Variants in GRIK1 observed in about 807,000 individuals in gnomAD.
The protein encoded by GRIK1 is glutamate receptor ionotropic, kainate 1.
A neutral mutation model predicts 105.7 loss-of-function variants in GRIK1; 69 were observed. That is an observed-to-expected ratio of 0.65 (90% CI 0.54 to 0.80). The LOEUF is 0.80. Among genes scored for constraint, GRIK1 ranks in the 30% least tolerant of loss-of-function variants. The probability of loss-of-function intolerance (pLI) is 0.00; values close to 1 mark genes in which losing one functional copy is unlikely to be tolerated. For synonymous variants in GRIK1, 438 were observed against 431.3 expected, an observed-to-expected ratio of 1.02 and a Z score of -0.19; for missense variants, 1,109 against 1,167.3, an observed-to-expected ratio of 0.95 and a Z score of 0.73.
chr21:29,563,475 T>C (rs564316379), intron 14 of GRIK1, among the ~76,000 whole-genome samples: 68 of 152,268 alleles, frequency 4.5e-4, no homozygotes, highest in African/African-American at 1.6e-3. Flanking sequence ...CATTGTGTCA[T>C]ATTGGGCCCC....
chr21:29,927,870 C>CA (rs927108065), intron 1 of GRIK1, among the ~76,000 whole-genome samples: 4 of 150,698 alleles, frequency 2.7e-5, no homozygotes, highest in Admixed American at 6.6e-5. Context: ...GACTCCGTCT[C>CA]AAAAAAAACA....
intron 16 of GRIK1, among the ~76,000 whole-genome samples, chr21:29,542,413 C>T (rs148244236): frequency 1.3e-3 from 191 of 152,134 alleles, no homozygotes; most frequent in Middle Eastern, 6.8e-3. Flanking sequence ...TTTATCCTTC[C>T]GTTGCAAATG....
chr21:29,803,919 A>T (rs577784553), intron 1 of GRIK1, among the ~76,000 whole-genome samples: 2 of 152,120 alleles, frequency 1.3e-5, no homozygotes, highest in East Asian at 3.9e-4. Context: ...TAAGGAAGAG[A>T]TCCTTTTCTC....
intron 1 of GRIK1, among the ~76,000 whole-genome samples, chr21:29,819,495 G>A (rs1044997897): frequency 4.6e-5 from 7 of 152,088 alleles, no homozygotes; most frequent in Admixed American, 1.3e-4. Flanking sequence ...GTGTGTGTGT[G>A]AGAGAGAAAG....
At chr21:29,867,836 G>T (rs2068852994) in intron 1 of GRIK1, among the ~76,000 whole-genome samples, 1 of 144,464 alleles carries the variant, frequency 6.9e-6, no homozygotes, top group Non-Finnish European at 1.5e-5. Context: ...AAGAAAGAAA[G>T]AAAGAAGGAA....
intron 1 of GRIK1, among the ~76,000 whole-genome samples, chr21:29,720,272 A>T (rs540450644): frequency 1.2e-3 from 185 of 152,136 alleles, no homozygotes; most frequent in Non-Finnish European, 2.2e-3. Context: ...AATATGACTT[A>T]CTTTATTCTA....
chr21:29,685,523 G>C (rs2063471818), intron 3 of GRIK1, among the ~76,000 whole-genome samples: 1 of 151,902 alleles, frequency 6.6e-6, no homozygotes, highest in Admixed American at 6.6e-5. Flanking sequence ...TGACTGCGTA[G>C]GTAATCGCCT....
chr21:29,597,633 G>C (rs781413377), intron 8 of GRIK1: 2 of 467,006 alleles, frequency 4.3e-6, no homozygotes, highest in South Asian at 3.1e-5. Context: ...GGGCATGTCA[G>C]ACCAACAGAG....
At chr21:29,638,074 TTATAA>T (rs2062433232) in intron 7 of GRIK1, among the ~76,000 whole-genome samples, 1 of 152,174 alleles carries the variant, frequency 6.6e-6, no homozygotes, top group Non-Finnish European at 1.5e-5. Context: ...CATGCAGTGC[TTATAA>T]TATGTTTGGC....
intron 16 of GRIK1, among the ~76,000 whole-genome samples, chr21:29,541,604 A>C (rs1601064846): frequency 1.2e-5 from 1 of 83,034 alleles, no homozygotes. Flanking sequence ...TTTGTGGGAG[A>C]GATACAATGA....
chr21:29,706,093 C>T (rs919670053), intron 1 of GRIK1, among the ~76,000 whole-genome samples: 1 of 152,098 alleles, frequency 6.6e-6, no homozygotes, highest in African/African-American at 2.4e-5. Flanking sequence ...AGGCTGGTCT[C>T]AAACTCCTGA....
At chr21:29,645,101 T>C (rs1349494982) in intron 6 of GRIK1, among the ~76,000 whole-genome samples, 1 of 152,204 alleles carries the variant, frequency 6.6e-6, no homozygotes, top group African/African-American at 2.4e-5. Flanking sequence ...TATTCACTGA[T>C]AATTTACTAT....
At chr21:29,551,286 T>C (rs193223071) in intron 16 of GRIK1, among the ~76,000 whole-genome samples, 1 of 152,342 alleles carries the variant, frequency 6.6e-6, no homozygotes, top group Non-Finnish European at 1.5e-5. Context: ...CATTTGCCAA[T>C]TGAACACATT....
chr21:29,651,341 T>A (rs363581), intron 5 of GRIK1, 50 bp from the exon 6 acceptor site: 5 of 1,230,236 alleles, frequency 4.1e-6, no homozygotes, highest in Non-Finnish European at 2.3e-6. Flanking sequence ...GAATTTTCAT[T>A]TTTTATACAA....
intron 1 of GRIK1, among the ~76,000 whole-genome samples, chr21:29,893,113 A>G (rs961340813): frequency 7.2e-5 from 11 of 152,224 alleles, no homozygotes; most frequent in Non-Finnish European, 1.6e-4. Context: ...AAATTTAAAG[A>G]TTATCTTGTC....
At chr21:29,540,997 C>T (rs1207274858) in intron 16 of GRIK1, among the ~76,000 whole-genome samples, 66 of 145,372 alleles carry the variant, frequency 4.5e-4, no homozygotes, top group Non-Finnish European at 8.3e-4. Flanking sequence ...TTGACAGAGT[C>T]TCACTCTGTC....
chr21:29,888,343 C>T (rs1601949786), intron 1 of GRIK1, among the ~76,000 whole-genome samples: 1 of 149,644 alleles, frequency 6.7e-6, no homozygotes, highest in African/African-American at 2.5e-5. Context: ...CAGCTCACTG[C>T]AGCCTTGACC....
intron 1 of GRIK1, among the ~76,000 whole-genome samples, chr21:29,778,286 C>G (rs117572117): frequency 0.031 from 4,789 of 152,276 alleles, 122 homozygotes; most frequent in Middle Eastern, 0.072. Flanking sequence ...ATACTGCCAC[C>G]ATGCTAGAAC....
intron 1 of GRIK1, among the ~76,000 whole-genome samples, chr21:29,831,952 C>T (rs1453417888): frequency 6.6e-6 from 1 of 152,114 alleles, no homozygotes; most frequent in African/African-American, 2.4e-5. Flanking sequence ...AAGTGAAAAA[C>T]AAGTTAGTTA....
Sources: allele counts gnomAD v4.1 joint callset (sites outside exome capture counted in the v4.1 genomes callset), GRCh38; gene constraint gnomAD v4.1.1; transcripts MANE v1.5; gene names NCBI Gene and HGNC (gene_info 2026-07-23, HGNC 2026-07-21).